The following IK variants were observed in gnomAD, a reference collection of about 807,000 sequenced individuals.
IK encodes protein Red.
Under a neutral mutation model 90.9 loss-of-function variants are expected in IK, and 47 were observed. The observed-to-expected ratio is 0.52, with a 90% CI of 0.41 to 0.66. The LOEUF is 0.66. Ranked by LOEUF, IK falls within the 30% of genes least tolerant of loss-of-function variation. IK has a pLI of 0.00. For synonymous variants in IK, 201 were observed against 227.5 expected (o/e 0.88, Z 1.05); for missense variants, 385 against 709.3 (o/e 0.54, Z 5.19).
rs1244446862 is a variant in IK at position 140,659,020 on chromosome 5, G to A, written c.1032G>A (p.Arg344=). The A allele has an allele frequency of 1.2e-6, 2 of 1,613,006 alleles. No individual in the cohort carries two copies. The highest frequency in any genetic ancestry group is 1.7e-6 in the Non-Finnish European group (2 of 1,179,180). Residue 344 remains arginine (R), a synonymous_variant, in exon 12 of 20, where the codon CGG becomes CGA. Coordinates refer to ENST00000417647, the MANE Select transcript of IK (RefSeq NM_006083.4). Reference sequence around the variant, plus strand: ...AGGAGCGGGAGAGATATCGGGAACGGGAGCGTGATCGGGAAAGAGACAGAG... The same window carrying A: ...AGGAGCGGGAGAGATATCGGGAACGAGAGCGTGATCGGGAAAGAGACAGAG... ...RDKERERYRE[R]ERDRERDRDR... is the part of the protein sequence containing the mutation.
chr5:140,657,163 A>G (rs571188347), intron 9 of IK, among the ~76,000 whole-genome samples: 1 of 152,360 alleles, frequency 6.6e-6, no homozygotes, highest in South Asian at 2.1e-4. Context: ...AGATCGTGCC[A>G]CTGCATTCTA....
chr5:140,651,659 C>A, intron 2 of IK, 55 bp from the exon 3 acceptor site: 1 of 850,050 alleles, frequency 1.2e-6, no homozygotes, highest in South Asian at 1.5e-5. Context: ...TTTACTTGTT[C>A]CTTTTTCATT....
rs1757796400 is a variant in IK, at chr5:140,661,123, T to G, written c.1413+308T>G. On this transcript the variant is annotated intron_variant, in intron 16 of 19. Transcript: ENST00000417647. The surrounding 1 kb of genome is among the most constrained non-coding windows in gnomAD (Gnocchi z 4.2). ...GTAGAAAGGGCAGAAAAAATTGCAG[T>G]CTTTGGAAAATAACTAAATTTTATT... is the stretch of plus-strand genomic sequence containing the variant. 1 of 351,492 alleles carries G rather than the reference T, an allele frequency of 2.8e-6. No homozygotes were observed. Among genetic ancestry groups the G allele is most frequent in the Non-Finnish European group, 5.1e-6 (1 of 196,408 alleles). 21.8% of individuals were successfully genotyped at this position (351,492 alleles called of 1,614,324 possible).
At chr5:140,662,265 T>C in intron 19 of IK, 37 bp from the exon 20 acceptor site, 1 of 1,614,006 alleles carries the variant, frequency 6.2e-7, no homozygotes, top group Non-Finnish European at 8.5e-7. Context: ...GCTTAGTGTA[T>C]TGATCTTATA....
At chr5:140,652,729 A>G (rs1757636819) in intron 4 of IK, among the ~76,000 whole-genome samples, 1 of 152,184 alleles carries the variant, frequency 6.6e-6, no homozygotes. Context: ...GGGTGGTATT[A>G]AAAAGTTCTG....
At position 140,662,230 on chromosome 5, in the gene IK, T is replaced by C; in HGVS notation, c.1646+17T>C. On this transcript the variant is annotated intron_variant, in intron 19 of 19. Coordinates refer to ENST00000417647, the MANE Select transcript of IK (RefSeq NM_006083.4). Reference sequence around the variant, plus strand: ...AGCTGATGGGTGAGCGGCATTATTCTTCCTCTGTGGGACTGGTGGGAATTG... The same window carrying C: ...AGCTGATGGGTGAGCGGCATTATTCCTCCTCTGTGGGACTGGTGGGAATTG... 6.2e-7 allele frequency: 1 copy of C among 1,614,026 alleles called. No homozygotes were observed.
rs777370434 is a variant in IK, at chr5:140,655,823, T to A, written c.638-6T>A. 6.2e-7 allele frequency: 1 copy of A among 1,609,618 alleles called. No individual in the cohort carries two copies. Among genetic ancestry groups the A allele is most frequent in the Non-Finnish European group, 8.5e-7 (1 of 1,177,882 alleles). ...TGGCTACTTGCTGCTCTTCTCCTTA[T>A]TGTAGGCCGCAATGTTTACCGAATG... On this transcript the variant is annotated splice_region_variant and splice_polypyrimidine_tract_variant and intron_variant, in intron 8 of 19. Coordinates refer to ENST00000417647, the MANE Select transcript of IK (RefSeq NM_006083.4).
chr5:140,655,733 C>T, intron 8 of IK, 96 bp from the exon 9 acceptor site: 2 of 1,222,328 alleles, frequency 1.6e-6, no homozygotes. Flanking sequence ...GCAAAGCTTG[C>T]ATAGCACTTG....
rs1581485895 is a variant in IK, at chr5:140,660,596, C to T, written c.1356-162C>T. ...TACAGGAGTGAGCCACTGCGCCTGG[C>T]CCAAGGCTACTTCTTACTTGGATGA... On this transcript the variant is annotated intron_variant, in intron 15 of 19. Transcript: ENST00000417647. 23 of 596,290 alleles carry T rather than the reference C, an allele frequency of 3.9e-5. No individual in the cohort carries two copies. The East Asian group carries it at 6.6e-4, about 17-fold the overall frequency. 36.9% of individuals were successfully genotyped at this position (596,290 alleles called of 1,614,324 possible).
In IK at chr5:140,657,612, C is replaced by T; in HGVS notation, c.860C>T (p.Ser287Leu). ...IVISKLTQIL[S>L]YLRQGTRNKK... ...ATTAGCAAGCTGACCCAGATCCTTT[C>T]ATACCTGAGGCAGGGAACCCGTAAC... The change falls in exon 10 of 20, where the codon TCA becomes TTA. Residue 287 changes from serine to leucine, a missense_variant. By Grantham distance (145) the Ser-to-Leu change is moderately radical (BLOSUM62 -2). Around this residue, in one of 8 missense-constraint regions of IK, gnomAD observed 33 missense variants for 86.1 expected, o/e 0.38. Transcript: ENST00000417647. The T allele has an allele frequency of 6.2e-7, 1 of 1,613,696 alleles. No homozygotes were observed. The highest frequency in any genetic ancestry group is 1.1e-5 in the South Asian group (1 of 91,038).
Position 140,661,664 on chromosome 5 carries a change from G to A in IK, c.1458G>A (p.Gln486=). 1 of 1,610,958 alleles carries A rather than the reference G, an allele frequency of 6.2e-7. No homozygotes were observed. The highest frequency in any genetic ancestry group is 8.5e-7 in the Non-Finnish European group (1 of 1,178,608). The change falls in exon 17 of 20, where the codon CAG becomes CAA. Residue 486 remains glutamine (Q), a synonymous_variant. Coordinates refer to ENST00000417647, the MANE Select transcript of IK (RefSeq NM_006083.4). The surrounding 1 kb of genome is among the most constrained non-coding windows in gnomAD (Gnocchi z 4.2). ...GPLGRWDFDT[Q]EEYSEYMNNK... ...TAGGCCGTTGGGACTTTGATACCCA[G>A]GAAGAATACAGCGAGTATATGAACA... is the stretch of plus-strand genomic sequence containing the variant.
Position 140,662,035 on chromosome 5 carries a change from G to A in IK, c.1611+28G>A, listed in dbSNP as rs1288765470. 3 of 1,578,906 alleles carry A rather than the reference G, an allele frequency of 1.9e-6. No homozygotes were observed. In the African/African-American group the frequency reaches 4.0e-5, roughly 21 times the overall value. On this transcript the variant is annotated intron_variant, in intron 18 of 19. Transcript: ENST00000417647. ...AAGTAGGATGGCCCCTTGGGTGGGA[G>A]GGTTTCAGCTGGGAGAAGACATTAG...
intron 8 of IK, among the ~76,000 whole-genome samples, chr5:140,655,032 C>T (rs1044406167): frequency 2.0e-5 from 3 of 151,886 alleles, no homozygotes; most frequent in African/African-American, 7.3e-5. Flanking sequence ...CCAGGCCGGT[C>T]TCAAACTCCT....
At chr5:140,654,489 T>A (rs1356265577) in intron 6 of IK, 27 bp from the exon 7 acceptor site, 16 of 1,555,070 alleles carry the variant, frequency 1.0e-5, no homozygotes, top group Non-Finnish European at 1.4e-5. Context: ...AAAATGAGTG[T>A]CCTAACCCTG....
intron 1 of IK, 81 bp downstream of exon 1, chr5:140,648,005 C>CGGGG: frequency 9.2e-7 from 1 of 1,087,292 alleles, no homozygotes; most frequent in South Asian, 1.4e-5. Context: ...GAGCTTAAGC[C>CGGGG]GGGTGTGTGT....
chr5:140,652,210 G>A, intron 4 of IK, 63 bp downstream of exon 4: 2 of 1,224,182 alleles, frequency 1.6e-6, no homozygotes, highest in Non-Finnish European at 2.4e-6. Flanking sequence ...AAGAAGTAGG[G>A]GCTAATTATG....
At chr5:140,651,934 G>A (rs1757622623) in intron 3 of IK, 128 bp downstream of exon 3, 5 of 809,228 alleles carry the variant, frequency 6.2e-6, no homozygotes, top group Non-Finnish European at 1.1e-5. Context: ...TTTGAGAACT[G>A]CCCACCTACA....
chr5:140,661,225 A>T lies in IK; in HGVS notation c.1414-395A>T, dbSNP rs1172064112. On this transcript the variant is annotated intron_variant, in intron 16 of 19. Transcript: ENST00000417647. This position sits in a 1 kb window ranked among gnomAD's most constrained non-coding sequence, Gnocchi z 4.2. ...AAAACCACTAATGCCACTAATAGTG[A>T]AGAAGTCTGTGTTCTTCCCCTGAGT... The T allele has an allele frequency of 4.0e-6, 1 of 251,560 alleles. No homozygotes were observed. The highest frequency in any genetic ancestry group is 2.3e-5 in the African/African-American group (1 of 44,324). The allele number at this position is 251,560 out of a possible 1,614,324, so 15.6% of individuals were successfully genotyped here.
chr5:140,660,143 C>G lies in IK; in HGVS notation c.1303C>G (p.Leu435Val), dbSNP rs374359094. ...GAAGAAGCCAGAAGACAAAAAGCAG[C>G]TGGGAGATTTCTTTGGCATGTCCAA... ...SLKKPEDKKQ[L>V]GDFFGMSNSY... Residue 435 changes from leucine (L) to valine (V), a missense_variant, in exon 15 of 20, where the codon CTG becomes GTG. Coordinates refer to ENST00000417647, the MANE Select transcript of IK (RefSeq NM_006083.4). The G allele has an allele frequency of 8.6e-5, 138 of 1,613,654 alleles. No homozygotes were observed. The highest frequency in any genetic ancestry group is 1.1e-4 in the Non-Finnish European group (132 of 1,179,788).
Sources: gnomAD v4.1 joint callset for allele counts (sites outside exome capture counted in the v4.1 genomes callset) on GRCh38, gnomAD v4.1.1 for gene constraint, gnomAD v4.1.1 regional missense constraint, Gnocchi (gnomAD v3.1) non-coding constraint, MANE v1.5 for transcripts, NCBI Gene and HGNC (gene_info 2026-07-23, HGNC 2026-07-21) for gene names.